THSD4: variants seen among roughly 807,000 people sequenced by gnomAD.
THSD4 encodes thrombospondin type 1 domain containing 4.
In THSD4, 69 loss-of-function variants were observed where a neutral mutation model predicts 119.0. The observed-to-expected ratio is 0.58, with a 90% CI of 0.48 to 0.71. The LOEUF (loss-of-function observed/expected upper bound fraction) is 0.71, where lower values mean the gene tolerates loss of function less well. Among genes scored for constraint, THSD4 ranks in the 30% least tolerant of loss-of-function variants. The probability of loss-of-function intolerance (pLI) is 0.00; values close to 1 mark genes in which losing one functional copy is unlikely to be tolerated. For synonymous variants in THSD4, 524 were observed against 540.4 expected (o/e 0.97, Z 0.42); for missense variants, 1,393 against 1,391.1 (o/e 1.00, Z -0.02).
At chr15:71,547,787 A>C in intron 7 of THSD4, 1 of 221,016 alleles carries the variant, frequency 4.5e-6, no homozygotes, top group Non-Finnish European at 8.8e-6. Flanking sequence ...AGAAAAAAAA[A>C]AAGATGTGCC....
intron 7 of THSD4, among the ~76,000 whole-genome samples, chr15:71,526,587 C>T (rs947555070): frequency 6.6e-6 from 1 of 152,106 alleles, no homozygotes; most frequent in Non-Finnish European, 1.5e-5. Flanking sequence ...ATTAGAAACA[C>T]GATGTTGACT....
chr15:71,121,773 G>A (rs1469820965), intron 1 of THSD4, among the ~76,000 whole-genome samples: 1 of 152,118 alleles, frequency 6.6e-6, no homozygotes, highest in Non-Finnish European at 1.5e-5. Context: ...GAATGCAGCT[G>A]TCTTGAGAGG....
At chr15:71,553,452 A>T (rs1272361430) in intron 7 of THSD4, among the ~76,000 whole-genome samples, 1 of 151,472 alleles carries the variant, frequency 6.6e-6, no homozygotes, top group Non-Finnish European at 1.5e-5. Flanking sequence ...CAGCCTCCTG[A>T]GTAGCTGGAA....
At chr15:71,522,333 A>G (rs2048454138) in intron 7 of THSD4, among the ~76,000 whole-genome samples, 1 of 152,160 alleles carries the variant, frequency 6.6e-6, no homozygotes. Context: ...TAGCCAACAT[A>G]TTTTACTGAG....
At chr15:71,353,762 C>T (rs1244639679) in intron 6 of THSD4, among the ~76,000 whole-genome samples, 1 of 152,210 alleles carries the variant, frequency 6.6e-6, no homozygotes, top group Non-Finnish European at 1.5e-5. Context: ...ATCCCAGCTT[C>T]TTTGCATGGG....
At chr15:71,561,902 A>T (rs56354783) in intron 7 of THSD4, among the ~76,000 whole-genome samples, 6 of 34,996 alleles carry the variant, frequency 1.7e-4, no homozygotes. Context: ...ACACACACAC[A>T]CACACACACA....
intron 1 of THSD4, among the ~76,000 whole-genome samples, chr15:71,131,186 G>A (rs2040500805): frequency 6.6e-6 from 1 of 152,158 alleles, no homozygotes; most frequent in Admixed American, 6.5e-5. Flanking sequence ...TGGGGAGTTA[G>A]ATTAGAATTG....
chr15:71,339,899 A>G (rs1315790877), intron 6 of THSD4, among the ~76,000 whole-genome samples: 2 of 151,926 alleles, frequency 1.3e-5, no homozygotes, highest in East Asian at 3.9e-4. Context: ...CAAGTAGCTG[A>G]AATTACAGTC....
chr15:71,157,318 T>G (rs897691995), intron 3 of THSD4, among the ~76,000 whole-genome samples: 4 of 152,212 alleles, frequency 2.6e-5, no homozygotes, highest in African/African-American at 9.6e-5. Context: ...TCATTAAAAT[T>G]TTTAAATTGA....
At chr15:71,605,620 G>T (rs1177165134) in intron 7 of THSD4, among the ~76,000 whole-genome samples, 2 of 152,234 alleles carry the variant, frequency 1.3e-5, no homozygotes, top group Non-Finnish European at 2.9e-5. Flanking sequence ...GCCAGCAGCT[G>T]TGATGGGGAA....
At chr15:71,718,941 T>C (rs1255602679) in intron 8 of THSD4, among the ~76,000 whole-genome samples, 1 of 152,206 alleles carries the variant, frequency 6.6e-6, no homozygotes, top group Non-Finnish European at 1.5e-5. Context: ...TCATGAGCTG[T>C]ACCTTTACAA....
At chr15:71,250,304 G>T (rs1242453156) in intron 5 of THSD4, among the ~76,000 whole-genome samples, 2 of 152,168 alleles carry the variant, frequency 1.3e-5, no homozygotes, top group African/African-American at 4.8e-5. Flanking sequence ...ACTAAGAAAT[G>T]TGTGCTCCTT....
At chr15:71,518,152 A>G (rs1019644421) in intron 7 of THSD4, among the ~76,000 whole-genome samples, 1 of 152,190 alleles carries the variant, frequency 6.6e-6, no homozygotes, top group Non-Finnish European at 1.5e-5. Flanking sequence ...CTTCCTTAGG[A>G]GTACAAAATT....
chr15:71,619,311 T>C (rs865968857), intron 7 of THSD4, among the ~76,000 whole-genome samples: 2 of 152,132 alleles, frequency 1.3e-5, no homozygotes, highest in South Asian at 2.1e-4. Context: ...TCTTTACATA[T>C]CTTACAGATT....
intron 6 of THSD4, among the ~76,000 whole-genome samples, chr15:71,348,980 G>A (rs1411160033): frequency 6.6e-6 from 1 of 152,176 alleles, no homozygotes; most frequent in East Asian, 1.9e-4. Context: ...AATCTCTATA[G>A]TAATCCATTC....
chr15:71,483,200 T>A (rs1364798154), intron 7 of THSD4, among the ~76,000 whole-genome samples: 3 of 152,158 alleles, frequency 2.0e-5, no homozygotes, highest in Non-Finnish European at 4.4e-5. Context: ...TAGGCCAAGT[T>A]GGGCTGACTA....
chr15:71,459,953 A>G (rs2047404580), intron 7 of THSD4, among the ~76,000 whole-genome samples: 1 of 152,110 alleles, frequency 6.6e-6, no homozygotes, highest in Non-Finnish European at 1.5e-5. Flanking sequence ...GCCACACTCA[A>G]CCATACCTTT....
At chr15:71,151,774 C>T (rs1320536440) in intron 2 of THSD4, among the ~76,000 whole-genome samples, 1 of 152,200 alleles carries the variant, frequency 6.6e-6, no homozygotes, top group Non-Finnish European at 1.5e-5. Context: ...CCAGTACATT[C>T]TGTGTGTAAT....
At chr15:71,283,495 G>T (rs2044680438) in intron 6 of THSD4, among the ~76,000 whole-genome samples, 1 of 152,174 alleles carries the variant, frequency 6.6e-6, no homozygotes, top group South Asian at 2.1e-4. Flanking sequence ...ACCTGTTAAT[G>T]GCGTTTGACC....
Sources: allele counts gnomAD v4.1 joint callset (sites outside exome capture counted in the v4.1 genomes callset), GRCh38; gene constraint gnomAD v4.1.1; transcripts MANE v1.5; gene names NCBI Gene and HGNC (gene_info 2026-07-23, HGNC 2026-07-21).